The following NTM variants were observed in gnomAD, a reference collection of about 807,000 sequenced individuals.
NTM encodes the protein neurotrimin.
NTM carries 13 observed loss-of-function variants against 42.1 expected under a neutral mutation model. The ratio of observed to expected loss-of-function variants is 0.31; its 90% confidence interval spans 0.20 to 0.49. The LOEUF (loss-of-function observed/expected upper bound fraction) is 0.49. Among genes scored for constraint, NTM ranks in the 20% least tolerant of loss-of-function variants. The pLI, the probability that NTM is intolerant of heterozygous loss-of-function variation, is 0.99. For synonymous variants in NTM, 187 were observed against 179.2 expected (o/e 1.04, Z -0.35); for missense variants, 373 against 452.8 (o/e 0.82, Z 1.60).
chr11:131,642,433 A>G (rs1480634231), intron 1 of NTM, among the ~76,000 whole-genome samples: 2 of 152,224 alleles, frequency 1.3e-5, no homozygotes, highest in African/African-American at 2.4e-5. Flanking sequence ...AAACTCCAAT[A>G]AACTCAGGTA....
chr11:131,528,681 T>C (rs1029353609), intron 1 of NTM, among the ~76,000 whole-genome samples: 1 of 152,210 alleles, frequency 6.6e-6, no homozygotes, highest in African/African-American at 2.4e-5. Flanking sequence ...TCTTTTTATC[T>C]ACCGCCTCCC....
rs550648805 is a variant in NTM at position 131,995,590 on chromosome 11, C to T, written c.167+83942C>T. Among the ~76,000 whole-genome samples, 65 of 151,982 alleles carry T rather than the reference C, an allele frequency of 4.3e-4. No individual in the cohort carries two copies. The South Asian group carries it at 7.1e-3, about 17-fold the overall frequency. ...TGGAAGAGAGTGTGAGATGGGGAAG[C>T]GGGGCCAAGGCTGAGAGAGGAGACT... On this transcript the variant is annotated intron_variant, in intron 2 of 8. Transcript: ENST00000683400.
At chr11:131,571,972 G>C (rs891379666) in intron 1 of NTM, among the ~76,000 whole-genome samples, 2 of 152,166 alleles carry the variant, frequency 1.3e-5, no homozygotes, top group African/African-American at 4.8e-5. Flanking sequence ...CGAACAATTT[G>C]AAACAACAAC....
chr11:132,257,570 C>G (rs765273659), intron 4 of NTM, among the ~76,000 whole-genome samples: 13 of 152,128 alleles, frequency 8.5e-5, no homozygotes, highest in Non-Finnish European at 1.9e-4. Flanking sequence ...CCTGAAGAAG[C>G]CAGCATGACA....
At chr11:131,416,122 T>C (rs1483694391) in intron 1 of NTM, among the ~76,000 whole-genome samples, 2 of 152,194 alleles carry the variant, frequency 1.3e-5, no homozygotes, top group African/African-American at 4.8e-5. Context: ...CAAATTCAAC[T>C]GGGTATCCTG....
chr11:131,852,581 G>T (rs2045671756), intron 1 of NTM, among the ~76,000 whole-genome samples: 1 of 152,180 alleles, frequency 6.6e-6, no homozygotes, highest in Admixed American at 6.5e-5. Flanking sequence ...CCTGGCAGAT[G>T]CTCATGGAAT....
At chr11:131,722,754 C>G (rs908082884) in intron 1 of NTM, among the ~76,000 whole-genome samples, 2 of 152,162 alleles carry the variant, frequency 1.3e-5, no homozygotes, top group Non-Finnish European at 2.9e-5. Flanking sequence ...ATTAGCTGGC[C>G]TGGAACACCA....
intron 4 of NTM, among the ~76,000 whole-genome samples, chr11:132,225,188 C>T (rs1432357088): frequency 1.3e-5 from 2 of 152,114 alleles, no homozygotes; most frequent in Non-Finnish European, 2.9e-5. Context: ...TACTTAGGTG[C>T]TGCAGATTGC....
At chr11:131,372,358 A>G (rs1941334166) in intron 1 of NTM, among the ~76,000 whole-genome samples, 1 of 152,048 alleles carries the variant, frequency 6.6e-6, no homozygotes, top group African/African-American at 2.4e-5. Flanking sequence ...GCTGTCCCCT[A>G]GGGGCTTTGG....
rs558893923 is a variant in NTM, at chr11:131,700,081, T to A, written c.83-211483T>A. On this transcript the variant is annotated intron_variant, in intron 1 of 8. Transcript: ENST00000683400. ...CTGGGAAATTATGCATGTATAGTGATGTTGGGCACAAACTCATGTTATGTT... is the reference window on the plus strand; with the variant it reads ...CTGGGAAATTATGCATGTATAGTGAAGTTGGGCACAAACTCATGTTATGTT... 2.8e-3 allele frequency among the ~76,000 whole-genome samples: 423 copies of A among 152,278 alleles called. 2 individuals carry two copies. The highest frequency in any genetic ancestry group is 9.9e-3 in the African/African-American group (411 of 41,566).
At chr11:131,857,515 A>G (rs73583987) in intron 1 of NTM, among the ~76,000 whole-genome samples, 2,714 of 152,242 alleles carry the variant, frequency 0.018, 77 homozygotes, top group African/African-American at 0.062. Flanking sequence ...TTCATCTGGC[A>G]GTGAAAATGC....
chr11:131,424,582 T>C (rs2135854732), intron 1 of NTM, among the ~76,000 whole-genome samples: 1 of 144,924 alleles, frequency 6.9e-6, no homozygotes, highest in East Asian at 2.1e-4. Flanking sequence ...CTTAGTTGTT[T>C]TTTATTTCTT....
At chr11:131,999,849 A>G (rs1210284692) in intron 2 of NTM, among the ~76,000 whole-genome samples, 1 of 152,150 alleles carries the variant, frequency 6.6e-6, no homozygotes, top group East Asian at 1.9e-4. Flanking sequence ...CTTTTGTTAC[A>G]GTTTGGAGAG....
chr11:132,295,814 G>A (rs1433705034), intron 4 of NTM, among the ~76,000 whole-genome samples: 1 of 152,204 alleles, frequency 6.6e-6, no homozygotes, highest in Non-Finnish European at 1.5e-5. Flanking sequence ...GATTTAAGCA[G>A]AGGTGGGACT....
intron 4 of NTM, among the ~76,000 whole-genome samples, chr11:132,217,536 C>T (rs1017964617): frequency 4.6e-5 from 7 of 152,052 alleles, no homozygotes; most frequent in African/African-American, 1.4e-4. Context: ...GATATAAAGA[C>T]CCTGGGGGCA....
At chr11:131,530,060 G>T (rs1555142364) in intron 1 of NTM, among the ~76,000 whole-genome samples, 1 of 152,154 alleles carries the variant, frequency 6.6e-6, no homozygotes, top group Non-Finnish European at 1.5e-5. Flanking sequence ...TGAGGAAGGT[G>T]AATTACTTGG....
At chr11:131,680,543 G>A (rs5027768) in intron 1 of NTM, among the ~76,000 whole-genome samples, 5 of 105,990 alleles carry the variant, frequency 4.7e-5, no homozygotes, top group Non-Finnish European at 4.1e-5. Flanking sequence ...CTGTGTCTGT[G>A]AGTGCCTGTG....
chr11:131,982,088 A>C (rs1302087806), intron 2 of NTM, among the ~76,000 whole-genome samples: 1 of 152,044 alleles, frequency 6.6e-6, no homozygotes, highest in Admixed American at 6.6e-5. Context: ...AAACACTAAA[A>C]GGAAAAAAAA....
chr11:131,973,256 TACAG>T (rs1565858926), intron 2 of NTM, among the ~76,000 whole-genome samples: 9 of 152,300 alleles, frequency 5.9e-5, no homozygotes, highest in African/African-American at 1.9e-4. Context: ...TCCAATAGGA[TACAG>T]AGGGGGAAGT....
Sources: gnomAD v4.1 joint callset for allele counts (sites outside exome capture counted in the v4.1 genomes callset) on GRCh38, gnomAD v4.1.1 for gene constraint, MANE v1.5 for transcripts, NCBI Gene and HGNC (gene_info 2026-07-23, HGNC 2026-07-21) for gene names.